Variants in PRDM6 observed in about 807,000 individuals in gnomAD.
PRDM6 encodes PR/SET domain 6.
Under a neutral mutation model 60.8 loss-of-function variants are expected in PRDM6, and 25 were observed. The observed-to-expected ratio is 0.41, with a 90% confidence interval of 0.30 to 0.57. The LOEUF is 0.57. Ranked by LOEUF, PRDM6 falls within the 20% of genes least tolerant of loss-of-function variation. The probability of loss-of-function intolerance (pLI) is 0.27; values close to 1 mark genes in which losing one functional copy is unlikely to be tolerated. For synonymous variants in PRDM6, 407 were observed against 357.4 expected (o/e 1.14, Z -1.57); for missense variants, 839 against 821.3 (o/e 1.02, Z -0.26).
chr5:123,168,063 A>T (rs1765797945), intron 5 of PRDM6, among the ~76,000 whole-genome samples: 1 of 152,208 alleles, frequency 6.6e-6, no homozygotes, highest in Non-Finnish European at 1.5e-5. Context: ...AGCATGGCAA[A>T]ACATTCCTTC....
rs7707432 is a variant in PRDM6 at position 123,125,907 on chromosome 5, A to G, written c.900+25946A>G. Among the ~76,000 whole-genome samples, 127 of 152,272 alleles carry G rather than the reference A, an allele frequency of 8.3e-4. 1 individual carries two copies. The highest frequency in any genetic ancestry group is 3.0e-3 in the African/African-American group (126 of 41,552). ...TATTCTTTCTCAGAGATCTTGGAGA[A>G]CAACATATGTAAGCTAATTTTCAGG... On this transcript the variant is annotated intron_variant, in intron 3 of 7. Coordinates refer to ENST00000407847, the MANE Select transcript of PRDM6 (RefSeq NM_001136239.4).
In PRDM6 at chr5:123,194,174, G is replaced by C. The variant is rs1160216741; in HGVS notation, c.*6973G>C. 4.6e-5 allele frequency: 7 copies of C among 152,194 alleles called. No individual in the cohort carries two copies. The highest frequency in any genetic ancestry group is 8.8e-5 in the Non-Finnish European group (6 of 68,036). The allele number at this position is 152,194 out of a possible 1,614,324, so 9.4% of individuals were successfully genotyped here. A position where few individuals can be genotyped will look rare whatever the true frequency, so the allele number is the denominator to read the frequency against. On this transcript the variant is annotated 3_prime_UTR_variant, in exon 8 of 8. Transcript: ENST00000407847. Reference sequence around the variant, plus strand: ...TGATGGAATCTACCAGGATTAAGTTGTATTTAAATGAAAAAACAGGTACAC... The same window carrying C: ...TGATGGAATCTACCAGGATTAAGTTCTATTTAAATGAAAAAACAGGTACAC...
intron 3 of PRDM6, among the ~76,000 whole-genome samples, chr5:123,102,048 T>G (rs1764115646): frequency 6.6e-6 from 1 of 152,200 alleles, no homozygotes; most frequent in African/African-American, 2.4e-5. Flanking sequence ...GCTTGGATGA[T>G]CTACAGGATC....
intron 3 of PRDM6, among the ~76,000 whole-genome samples, chr5:123,131,207 G>A (rs1764827194): frequency 6.6e-6 from 1 of 152,100 alleles, no homozygotes; most frequent in Non-Finnish European, 1.5e-5. Context: ...AGATAAGGAG[G>A]GTTTGGTAAA....
intron 3 of PRDM6, among the ~76,000 whole-genome samples, chr5:123,138,840 A>G (rs1765031935): frequency 6.6e-6 from 1 of 152,170 alleles, no homozygotes; most frequent in Non-Finnish European, 1.5e-5. Context: ...AGCCTTGTTA[A>G]GCACCATGTT....
intron 3 of PRDM6, among the ~76,000 whole-genome samples, chr5:123,141,476 T>C (rs1394375953): frequency 6.6e-6 from 1 of 152,140 alleles, no homozygotes; most frequent in African/African-American, 2.4e-5. Context: ...CTTTTGTAAT[T>C]GTATGTCAGG....
chr5:123,099,471 G>A lies in PRDM6; in HGVS notation c.593-183G>A, dbSNP rs1330887906. On this transcript the variant is annotated intron_variant, in intron 2 of 7. Coordinates refer to ENST00000407847, the MANE Select transcript of PRDM6 (RefSeq NM_001136239.4). The surrounding 1 kb of genome is among the most constrained non-coding windows in gnomAD (Gnocchi z 4.0). ...GGGTGCGGCGAATTCCAAGGGAGCGGCGCGGGTTCTCTTCTCCTCCTCCTC... is the reference window on the plus strand; with the variant it reads ...GGGTGCGGCGAATTCCAAGGGAGCGACGCGGGTTCTCTTCTCCTCCTCCTC... Among the ~76,000 whole-genome samples the A allele has an allele frequency of 6.6e-6, 1 of 152,176 alleles. No homozygotes were observed. Among genetic ancestry groups the A allele is most frequent in the Non-Finnish European group, 1.5e-5 (1 of 68,018 alleles).
At chr5:123,100,648 A>G (rs1764081531) in intron 3 of PRDM6, among the ~76,000 whole-genome samples, 1 of 152,226 alleles carries the variant, frequency 6.6e-6, no homozygotes, top group Admixed American at 6.5e-5. Context: ...TCAATATGGA[A>G]AATCAAAACA....
intron 2 of PRDM6, among the ~76,000 whole-genome samples, chr5:123,093,680 G>A (rs1234969644): frequency 6.6e-6 from 1 of 152,176 alleles, no homozygotes; most frequent in Non-Finnish European, 1.5e-5. Context: ...CTCATTTGCT[G>A]CTGGGCTGCC....
At chr5:123,133,471 C>A (rs1206819608) in intron 3 of PRDM6, among the ~76,000 whole-genome samples, 1 of 151,956 alleles carries the variant, frequency 6.6e-6, no homozygotes. Flanking sequence ...CAAAACACAA[C>A]CTAAATATCC....
At chr5:123,165,339 T>C (rs1214775238) in intron 5 of PRDM6, among the ~76,000 whole-genome samples, 4 of 152,232 alleles carry the variant, frequency 2.6e-5, no homozygotes, top group Non-Finnish European at 5.9e-5. Context: ...TCGAGAAACC[T>C]TGACACCTCA....
At chr5:123,131,614 C>T (rs1300823214) in intron 3 of PRDM6, among the ~76,000 whole-genome samples, 1 of 152,180 alleles carries the variant, frequency 6.6e-6, no homozygotes, top group African/African-American at 2.4e-5. Flanking sequence ...TTTACTATGT[C>T]AGAAACTGAA....
intron 2 of PRDM6, among the ~76,000 whole-genome samples, chr5:123,091,769 C>T (rs964850274): frequency 6.6e-6 from 1 of 152,188 alleles, no homozygotes; most frequent in African/African-American, 2.4e-5. Flanking sequence ...CTCATTCCTT[C>T]GTCTGGCTTC....
chr5:123,120,183 G>A (rs1378463204), intron 3 of PRDM6, among the ~76,000 whole-genome samples: 2 of 152,208 alleles, frequency 1.3e-5, no homozygotes, highest in Non-Finnish European at 2.9e-5. Flanking sequence ...ATGGATAAAT[G>A]TTTTGAGAAG....
At chr5:123,180,635 T>A (rs1413302910) in intron 7 of PRDM6, among the ~76,000 whole-genome samples, 1 of 152,216 alleles carries the variant, frequency 6.6e-6, no homozygotes, top group Non-Finnish European at 1.5e-5. Flanking sequence ...TCCCTGATGA[T>A]CTGTGCTTCT....
At chr5:123,127,758 CCTTT>C (rs767465284) in intron 3 of PRDM6, among the ~76,000 whole-genome samples, 34 of 145,588 alleles carry the variant, frequency 2.3e-4, no homozygotes, top group South Asian at 4.4e-4. Context: ...TCCTTTCTTT[CCTTT>C]CTTTCTTTCT....
chr5:123,124,262 A>C (rs1054347290), intron 3 of PRDM6, among the ~76,000 whole-genome samples: 3 of 152,198 alleles, frequency 2.0e-5, no homozygotes, highest in Admixed American at 2.0e-4. Context: ...TATTTATTTC[A>C]TTGTAGATGT....
chr5:123,186,128 G>T lies in PRDM6; in HGVS notation c.1674-959G>T, dbSNP rs374780649. Among the ~76,000 whole-genome samples the T allele has an allele frequency of 1.5e-4, 23 of 152,298 alleles. 1 individual carries two copies. In the South Asian group the frequency reaches 4.4e-3, roughly 29 times the overall value. ...TAAGTAAGGTGGTGATGGAGAAGTC[G>T]CTGTCTGTGCCCAGCCAGCTGCCAC... On this transcript the variant is annotated intron_variant, in intron 7 of 7. Transcript: ENST00000407847.
intron 2 of PRDM6, among the ~76,000 whole-genome samples, chr5:123,098,072 C>T (rs537117839): frequency 6.6e-6 from 1 of 152,332 alleles, no homozygotes; most frequent in African/African-American, 2.4e-5. Context: ...TGCTGGGTTG[C>T]GATTAGCTGT....
Sources: gnomAD v4.1 joint callset for allele counts (sites outside exome capture counted in the v4.1 genomes callset) on GRCh38, gnomAD v4.1.1 for gene constraint, Gnocchi (gnomAD v3.1) non-coding constraint, MANE v1.5 for transcripts, NCBI Gene and HGNC (gene_info 2026-07-23, HGNC 2026-07-21) for gene names.